Variants in MAML2 observed in about 807,000 individuals in gnomAD.
MAML2 encodes mastermind like transcriptional coactivator 2.
In MAML2, 22 loss-of-function variants were observed where a neutral mutation model predicts 96.1. That is an observed-to-expected ratio of 0.23 (90% CI 0.16 to 0.33). MAML2 has a LOEUF of 0.33. Ranked by LOEUF, MAML2 falls within the 10% of genes least tolerant of loss-of-function variation. MAML2 has a pLI of 1.00. For synonymous variants in MAML2, 561 were observed against 521.3 expected, an observed-to-expected ratio of 1.08 and a Z score of -1.04; for missense variants, 1,367 against 1,392.4, an observed-to-expected ratio of 0.98 and a Z score of 0.29.
intron 1 of MAML2, among the ~76,000 whole-genome samples, chr11:96,244,005 A>G (rs1862477773): frequency 6.6e-6 from 1 of 152,116 alleles, no homozygotes; most frequent in Non-Finnish European, 1.5e-5. Flanking sequence ...GCACTGATGG[A>G]CTTTTCTTTG....
chr11:96,026,253 C>T (rs902213956), intron 2 of MAML2, among the ~76,000 whole-genome samples: 2 of 152,234 alleles, frequency 1.3e-5, no homozygotes, highest in African/African-American at 2.4e-5. Context: ...AGCAGTATAC[C>T]TGCAGCCCTG....
intron 1 of MAML2, among the ~76,000 whole-genome samples, chr11:96,273,843 C>T (rs960660704): frequency 6.6e-6 from 1 of 152,122 alleles, no homozygotes; most frequent in Non-Finnish European, 1.5e-5. Context: ...GCTTGCCTTT[C>T]CCAGGCCTTC....
chr11:96,002,121 T>C (rs1858087182), intron 2 of MAML2, among the ~76,000 whole-genome samples: 1 of 152,174 alleles, frequency 6.6e-6, no homozygotes, highest in Non-Finnish European at 1.5e-5. Context: ...TAGGCAGCCT[T>C]TGTCACTCTA....
intron 1 of MAML2, among the ~76,000 whole-genome samples, chr11:96,262,075 C>T (rs1165426295): frequency 1.3e-5 from 2 of 152,176 alleles, no homozygotes; most frequent in African/African-American, 4.8e-5. Context: ...ATCTACTGAA[C>T]TTGAGTATTT....
chr11:96,191,481 T>TA (rs1321362825), intron 1 of MAML2, among the ~76,000 whole-genome samples: 118 of 138,376 alleles, frequency 8.5e-4, no homozygotes, highest in Non-Finnish European at 1.6e-3. Flanking sequence ...ATAACAATAA[T>TA]AAAAAAAAAA....
At chr11:96,305,548 A>C (rs950411116) in intron 1 of MAML2, among the ~76,000 whole-genome samples, 3 of 152,348 alleles carry the variant, frequency 2.0e-5, no homozygotes, top group African/African-American at 7.2e-5. Context: ...AATAATAATG[A>C]GACAGGATGT....
chr11:96,258,810 T>C (rs906735304), intron 1 of MAML2, among the ~76,000 whole-genome samples: 8 of 152,256 alleles, frequency 5.3e-5, no homozygotes, highest in Admixed American at 1.3e-4. Context: ...AGTAAGACTA[T>C]GAGCAGCATG....
At position 96,258,619 on chromosome 11, in the gene MAML2, G is replaced by A. The variant is rs150202763; in HGVS notation, c.513+82764C>T. On this transcript the variant is annotated intron_variant, in intron 1 of 4. Transcript: ENST00000524717. ...ACCATTGATGGGAATCATATATGGA[G>A]TAAACATCAAAGCCCAAGAATACAG... 2.6e-5 allele frequency among the ~76,000 whole-genome samples: 4 copies of A among 152,328 alleles called. No individual in the cohort carries two copies. The East Asian group carries it at 7.7e-4, about 29-fold the overall frequency.
chr11:96,181,116 A>G (rs1861478010), intron 1 of MAML2, among the ~76,000 whole-genome samples: 1 of 152,198 alleles, frequency 6.6e-6, no homozygotes, highest in Admixed American at 6.5e-5. Flanking sequence ...GGGGCAGGGC[A>G]TATTCACTTC....
At chr11:96,089,875 T>G (rs113978210) in intron 2 of MAML2, among the ~76,000 whole-genome samples, 1,255 of 74,414 alleles carry the variant, frequency 0.017, 26 homozygotes, top group East Asian at 0.079. Context: ...AGATGAAAAT[T>G]ACCTCTGTAT....
intron 2 of MAML2, among the ~76,000 whole-genome samples, chr11:96,068,446 ACACAC>A (rs1411518074): frequency 7.0e-6 from 1 of 142,460 alleles, no homozygotes; most frequent in Non-Finnish European, 1.5e-5. Context: ...CTTCACACAC[ACACAC>A]ACACACACAC....
chr11:96,300,722 C>G (rs933997363), intron 1 of MAML2, among the ~76,000 whole-genome samples: 1 of 152,146 alleles, frequency 6.6e-6, no homozygotes, highest in African/African-American at 2.4e-5. Flanking sequence ...AAGGGAGGAT[C>G]CCTGTATCGC....
chr11:96,179,912 C>T (rs774884119), intron 1 of MAML2, among the ~76,000 whole-genome samples: 1 of 152,204 alleles, frequency 6.6e-6, no homozygotes. Context: ...CAACTAGGAG[C>T]TGACATTGCT....
At chr11:96,289,814 G>A (rs1212656682) in intron 1 of MAML2, among the ~76,000 whole-genome samples, 4 of 151,300 alleles carry the variant, frequency 2.6e-5, no homozygotes, top group African/African-American at 9.7e-5. Context: ...TACATTCAAA[G>A]GGGCAGAATG....
At chr11:96,080,734 T>C (rs1048204450) in intron 2 of MAML2, among the ~76,000 whole-genome samples, 4 of 152,232 alleles carry the variant, frequency 2.6e-5, no homozygotes, top group African/African-American at 9.6e-5. Flanking sequence ...AATTGCTGAA[T>C]TGTTTTTTCT....
chr11:95,982,726 C>T (rs1019355739), intron 4 of MAML2, among the ~76,000 whole-genome samples: 8 of 152,160 alleles, frequency 5.3e-5, no homozygotes, highest in African/African-American at 1.9e-4. Flanking sequence ...TATTAAAAAA[C>T]CATGTTTTAA....
intron 2 of MAML2, among the ~76,000 whole-genome samples, chr11:96,075,241 T>C (rs1859416007): frequency 6.6e-6 from 1 of 152,226 alleles, no homozygotes; most frequent in South Asian, 2.1e-4. Context: ...GCTATCCTGG[T>C]AGCAAACTTG....
At chr11:96,262,716 A>C (rs1041601252) in intron 1 of MAML2, among the ~76,000 whole-genome samples, 2 of 152,090 alleles carry the variant, frequency 1.3e-5, no homozygotes, top group Admixed American at 1.3e-4. Context: ...TGATCCGCCC[A>C]CCTCAGCCTT....
intron 2 of MAML2, among the ~76,000 whole-genome samples, chr11:96,033,697 G>T (rs1253835605): frequency 1.3e-5 from 2 of 152,214 alleles, no homozygotes; most frequent in Non-Finnish European, 2.9e-5. Context: ...TGGAAGAGGA[G>T]AGTGTACCCT....
Sources: allele counts gnomAD v4.1 joint callset (sites outside exome capture counted in the v4.1 genomes callset), GRCh38; gene constraint gnomAD v4.1.1; transcripts MANE v1.5; gene names NCBI Gene and HGNC (gene_info 2026-07-23, HGNC 2026-07-21).